The following DGKH variants were observed in gnomAD, a reference collection of about 807,000 sequenced individuals.
DGKH encodes the protein DAG kinase eta.
Under a neutral mutation model 159.3 loss-of-function variants are expected in DGKH, and 90 were observed. The ratio of observed to expected loss-of-function variants is 0.57; its 90% CI spans 0.48 to 0.67. The LOEUF (loss-of-function observed/expected upper bound fraction) is 0.67. DGKH is among the 30% of genes least tolerant of loss of function. The pLI, the probability that DGKH is intolerant of heterozygous loss-of-function variation, is 0.00. For synonymous variants in DGKH, 536 were observed against 553.8 expected (o/e 0.97, Z 0.45); for missense variants, 1,181 against 1,506.1 (o/e 0.78, Z 3.57).
intron 29 of DGKH, among the ~76,000 whole-genome samples, chr13:42,249,288 C>G (rs1010443512): frequency 1.3e-5 from 2 of 152,040 alleles, no homozygotes; most frequent in Non-Finnish European, 2.9e-5. Flanking sequence ...GTGGGAGGAC[C>G]GATTGAGCCC....
rs746794339 is a variant in DGKH, at chr13:42,168,797, C to T, written c.1346C>T (p.Ala449Val). Residue 449 changes from alanine (A) to valine (V), a missense_variant, in exon 11 of 30, where the codon GCC (alanine) becomes GTC (valine). Physicochemically the swap from Ala to Val is moderately conservative, Grantham distance 64. Coordinates refer to ENST00000337343, the MANE Select transcript of DGKH (RefSeq NM_178009.5). ...CAGATCCTAGAGAAACTGGAACGAG[C>T]CAGTACCAAAATGTTGGACAGGTAA... ...LPQILEKLERASTKMLDRWSI... is the reference protein window; with the variant it reads ...LPQILEKLERVSTKMLDRWSI... 3 of 1,613,610 alleles carry T rather than the reference C, an allele frequency of 1.9e-6. No homozygotes were observed. In the South Asian group the frequency reaches 3.3e-5, roughly 18 times the overall value.
At chr13:42,251,919 A>G (rs1427950175) in intron 29 of DGKH, among the ~76,000 whole-genome samples, 3 of 152,220 alleles carry the variant, frequency 2.0e-5, no homozygotes, top group Non-Finnish European at 4.4e-5. Context: ...AACAGAGAGC[A>G]TGTATTATTC....
At chr13:42,253,911 G>A (rs1016439535) in intron 30 of DGKH, among the ~76,000 whole-genome samples, 4 of 150,592 alleles carry the variant, frequency 2.7e-5, no homozygotes, top group Non-Finnish European at 5.9e-5. Context: ...TTGCAACTTA[G>A]TATGAAAAAA....
At chr13:42,165,542 T>G (rs1956291103) in intron 8 of DGKH, 109 bp downstream of exon 8, 1 of 542,996 alleles carries the variant, frequency 1.8e-6, no homozygotes, top group Non-Finnish European at 3.0e-6. Context: ...TTGTAGTCAG[T>G]TTTTCTAAAA....
At chr13:42,087,090 A>AC (rs1954321960) in intron 1 of DGKH, among the ~76,000 whole-genome samples, 1 of 117,920 alleles carries the variant, frequency 8.5e-6, no homozygotes, top group African/African-American at 3.2e-5. Context: ...CACACCTCAG[A>AC]ACAGAGTAGG....
In DGKH at chr13:42,174,104, C is replaced by T. The variant is rs982757728; in HGVS notation, c.1412C>T (p.Ser471Phe). 7 of 1,613,846 alleles carry T rather than the reference C, an allele frequency of 4.3e-6. No homozygotes were observed. The highest frequency in any genetic ancestry group is 1.1e-5 in the South Asian group (1 of 91,068). ...TYELKLPPKA[S>F]LLPGPPEASE... ...GAACTCAAATTGCCACCAAAAGCTT[C>T]CCTACTTCCAGGACCTCCAGAAGCA... Residue 471 changes from serine (S) to phenylalanine (F), a missense_variant, in exon 12 of 30, where the codon TCC becomes TTC. Physicochemically the swap from Ser to Phe is radical, Grantham distance 155. This residue lies in a region of DGKH where 369 missense variants were observed against 519.4 expected (regional missense o/e 0.71). Transcript: ENST00000337343.
Position 42,166,500 on chromosome 13 carries a change from G to A in DGKH, c.959-15G>A, listed in dbSNP as rs1047534474. 10 of 1,497,144 alleles carry A rather than the reference G, an allele frequency of 6.7e-6. No individual in the cohort carries two copies. Among genetic ancestry groups the A allele is most frequent in the African/African-American group, 1.4e-5 (1 of 70,432 alleles). 92.7% of individuals were successfully genotyped at this position (1,497,144 alleles called of 1,614,324 possible). On this transcript the variant is annotated splice_polypyrimidine_tract_variant and intron_variant, in intron 8 of 29. Transcript: ENST00000337343. ...AAGCTGTATGTATTGATCTTGTGTT[G>A]TGTTTTTTTCACAGGTTTCTGTAGA...
At position 42,173,665 on chromosome 13, in the gene DGKH, C is replaced by T. The variant is rs144022168; in HGVS notation, c.1368-395C>T. On this transcript the variant is annotated intron_variant, in intron 11 of 29. Coordinates refer to ENST00000337343, the MANE Select transcript of DGKH (RefSeq NM_178009.5). The stretch of plus-strand genomic sequence containing the variant: ...TTATGACTCATTAGTAATTTATAAC[C>T]TAGTTAGTAAACTGCAATGAGCATT... Among the ~76,000 whole-genome samples the T allele has an allele frequency of 1.1e-3, 170 of 152,140 alleles. 1 individual carries two copies. The highest frequency in any genetic ancestry group is 6.9e-3 in the Middle Eastern group (2 of 290).
Position 42,238,913 on chromosome 13 carries a change from G to C in DGKH, c.*9725G>C, listed in dbSNP as rs894064871. 1 of 152,054 alleles carries C rather than the reference G, an allele frequency of 6.6e-6. No homozygotes were observed. The highest frequency in any genetic ancestry group is 2.4e-5 in the African/African-American group (1 of 41,418). The allele number at this position is 152,054 out of a possible 1,614,324, so 9.4% of individuals were successfully genotyped here. A position where few individuals can be genotyped will look rare whatever the true frequency, so the allele number is the denominator to read the frequency against. On this transcript the variant is annotated 3_prime_UTR_variant, in exon 30 of 30. Coordinates refer to ENST00000337343, the MANE Select transcript of DGKH (RefSeq NM_178009.5). ...TTTGCTAAATCTGATATTTATTATA[G>C]TATAATATGATAATTTGGAGCTCCT...
chr13:42,147,022 G>A lies in DGKH; in HGVS notation c.385-8269G>A, dbSNP rs80121437. Among the ~76,000 whole-genome samples the A allele has an allele frequency of 5.4e-3, 815 of 152,258 alleles. 6 individuals carry two copies. The highest frequency in any genetic ancestry group is 0.019 in the African/African-American group (781 of 41,552). ...AGGATGTTCAGGGAAACCAGGATAA[G>A]GACATAGATTAGCTTGTCTGCACTG... On this transcript the variant is annotated intron_variant, in intron 3 of 29. Coordinates refer to ENST00000337343, the MANE Select transcript of DGKH (RefSeq NM_178009.5).
intron 11 of DGKH, among the ~76,000 whole-genome samples, chr13:42,171,828 C>CTTTTTT (rs541194131): frequency 6.8e-5 from 7 of 102,416 alleles, no homozygotes; most frequent in East Asian, 2.6e-4. Context: ...ATATAAATTT[C>CTTTTTT]TTTTTTTTTT....
At chr13:42,128,579 A>G (rs1955219958) in intron 2 of DGKH, among the ~76,000 whole-genome samples, 1 of 152,052 alleles carries the variant, frequency 6.6e-6, no homozygotes, top group Non-Finnish European at 1.5e-5. Context: ...TTCCATCTGC[A>G]CTTGACAAAG....
At position 42,102,091 on chromosome 13, in the gene DGKH, G is replaced by T. The variant is rs555834033; in HGVS notation, c.193-25372G>T. 2.6e-5 allele frequency among the ~76,000 whole-genome samples: 4 copies of T among 152,316 alleles called. No individual in the cohort carries two copies. The South Asian group carries it at 8.3e-4, about 32-fold the overall frequency. On this transcript the variant is annotated intron_variant, in intron 1 of 29. Transcript: ENST00000337343. ...ATTGAAGTCCAAGAGATCAAGGCCG[G>T]GGCTGGGAAGGCAGGAAGGAAAGGG...
At chr13:42,210,564 C>G in intron 23 of DGKH, 38 bp from the exon 24 acceptor site, 1 of 1,593,032 alleles carries the variant, frequency 6.3e-7, no homozygotes, top group African/African-American at 1.3e-5. Flanking sequence ...CCTCTGAGTT[C>G]TAAACTAACA....
rs1308908613 is a variant in DGKH, at chr13:42,242,532, C to A, written c.*13344C>A. On this transcript the variant is annotated 3_prime_UTR_variant, in exon 30 of 30. Coordinates refer to ENST00000337343, the MANE Select transcript of DGKH (RefSeq NM_178009.5). ...AACGTGAGTTTTGTTTGTTTACATGCTGTTTACAATGGCATAATTTTAAAA... is the reference window on the plus strand; with the variant it reads ...AACGTGAGTTTTGTTTGTTTACATGATGTTTACAATGGCATAATTTTAAAA... 2 of 152,120 alleles carry A rather than the reference C, an allele frequency of 1.3e-5. No individual in the cohort carries two copies. 9.4% of individuals were successfully genotyped at this position (152,120 alleles called of 1,614,324 possible).
At chr13:42,174,857 C>T (rs1956561533) in intron 12 of DGKH, among the ~76,000 whole-genome samples, 1 of 152,190 alleles carries the variant, frequency 6.6e-6, no homozygotes, top group Non-Finnish European at 1.5e-5. Flanking sequence ...AGGCATGAGA[C>T]ACTGTGGCCG....
At chr13:42,220,483 T>C (rs1311441245) in intron 28 of DGKH, among the ~76,000 whole-genome samples, 3 of 152,344 alleles carry the variant, frequency 2.0e-5, no homozygotes, top group South Asian at 4.1e-4. Flanking sequence ...CTGCCTTTCA[T>C]AACCAAATAA....
intron 29 of DGKH, among the ~76,000 whole-genome samples, chr13:42,249,245 A>G (rs1274691364): frequency 1.3e-5 from 2 of 152,068 alleles, no homozygotes; most frequent in African/African-American, 4.8e-5. Context: ...TTGGTGGCGC[A>G]TGCCTGTAGT....
intron 9 of DGKH, among the ~76,000 whole-genome samples, chr13:42,167,100 C>A (rs1331905998): frequency 6.6e-6 from 1 of 152,020 alleles, no homozygotes; most frequent in Non-Finnish European, 1.5e-5. Context: ...GGATCTCAGA[C>A]TCAGTTCACA....
Sources: allele counts gnomAD v4.1 joint callset (sites outside exome capture counted in the v4.1 genomes callset), GRCh38; gene constraint gnomAD v4.1.1; regional missense constraint gnomAD v4.1.1; transcripts MANE v1.5; gene names NCBI Gene and HGNC (gene_info 2026-07-23, HGNC 2026-07-21).